DLGAP2: variants seen among roughly 807,000 people sequenced by gnomAD.
DLGAP2 encodes the protein disks large-associated protein 2.
Under a neutral mutation model 100.3 loss-of-function variants are expected in DLGAP2, and 26 were observed. The observed-to-expected ratio is 0.26, with a 90% CI of 0.19 to 0.36. DLGAP2 has a LOEUF of 0.36. Among genes scored for constraint, DLGAP2 ranks in the 10% least tolerant of loss-of-function variants. DLGAP2 has a pLI of 1.00. For missense variants in DLGAP2, 1,858 were observed against 1,453.2 expected (o/e 1.28, Z -4.53); for synonymous variants, 886 against 630.1 (o/e 1.41, Z -6.08).
intron 3 of DLGAP2, among the ~76,000 whole-genome samples, chr8:1,498,067 T>C (rs1799601898): frequency 6.6e-6 from 1 of 152,200 alleles, no homozygotes; most frequent in Admixed American, 6.5e-5. Flanking sequence ...GCAGGACAAC[T>C]GGAAGTGAGG....
chr8:1,281,302 A>T (rs535166548), intron 3 of DLGAP2, among the ~76,000 whole-genome samples: 3 of 151,822 alleles, frequency 2.0e-5, no homozygotes, highest in Non-Finnish European at 2.9e-5. Flanking sequence ...GAAACGGGGG[A>T]TGGTGGAGGT....
intron 2 of DLGAP2, among the ~76,000 whole-genome samples, chr8:1,142,768 G>A (rs1413173726): frequency 5.3e-5 from 8 of 152,094 alleles, no homozygotes; most frequent in Admixed American, 3.3e-4. Flanking sequence ...GAGGGTGAGG[G>A]GAGGGAGGTT....
chr8:1,140,234 C>T (rs191668245), intron 2 of DLGAP2, among the ~76,000 whole-genome samples: 59 of 152,246 alleles, frequency 3.9e-4, no homozygotes, highest in South Asian at 3.5e-3. Context: ...CCCGCTCTGC[C>T]GAGGGCATTC....
chr8:980,672 C>G (rs972661035), intron 2 of DLGAP2, among the ~76,000 whole-genome samples: 1 of 152,146 alleles, frequency 6.6e-6, no homozygotes, highest in African/African-American at 2.4e-5. Flanking sequence ...AGCAGCCGTG[C>G]TGAGGAAGGA....
chr8:1,033,623 A>G (rs1802034774), intron 2 of DLGAP2, among the ~76,000 whole-genome samples: 1 of 152,154 alleles, frequency 6.6e-6, no homozygotes, highest in Non-Finnish European at 1.5e-5. Context: ...AGCTGAGGTT[A>G]CACTCTGCAC....
Position 1,668,490 on chromosome 8 carries a change from C to T in DLGAP2, c.1972C>T (p.Arg658Cys), listed in dbSNP as rs777261867. The T allele has an allele frequency of 5.6e-6, 9 of 1,593,220 alleles. No individual in the cohort carries two copies. The highest frequency in any genetic ancestry group is 2.3e-5 in the East Asian group (1 of 43,452). Reference protein sequence around the residue: ...QRMSPWPQDSRGLYNSTDSLD... With the variant: ...QRMSPWPQDSCGLYNSTDSLD... ...GATGTCCCCGTGGCCCCAGGACAGCCGCGGCCTCTACAACTCCACGGACAG... is the reference window on the plus strand; with the variant it reads ...GATGTCCCCGTGGCCCCAGGACAGCTGCGGCCTCTACAACTCCACGGACAG... The change falls in exon 9 of 15, where the codon CGC (arginine) becomes TGC (cysteine). Residue 658 changes from arginine (R) to cysteine (C), a missense_variant. Physicochemically the swap from Arg to Cys is radical, Grantham distance 180. Coordinates refer to ENST00000637795, the MANE Select transcript of DLGAP2 (RefSeq NM_001346810.2).
chr8:1,476,101 G>A (rs1379424970), intron 3 of DLGAP2, among the ~76,000 whole-genome samples: 1 of 152,180 alleles, frequency 6.6e-6, no homozygotes, highest in South Asian at 2.1e-4. Context: ...AGTAACCAGT[G>A]TCTGAAGAAC....
chr8:1,300,066 T>C (rs904466536), intron 3 of DLGAP2: 78 of 152,012 alleles, frequency 5.1e-4, no homozygotes, highest in African/African-American at 1.8e-3. Context: ...AGTGTCCCCC[T>C]CTCATTACCT....
At chr8:1,566,699 C>A (rs558987022) in intron 6 of DLGAP2, among the ~76,000 whole-genome samples, 1 of 152,370 alleles carries the variant, frequency 6.6e-6, no homozygotes, top group African/African-American at 2.4e-5. Context: ...CCCTGGGCCA[C>A]AGGGCCCTCC....
intron 3 of DLGAP2, among the ~76,000 whole-genome samples, chr8:1,294,523 A>G (rs1445242589): frequency 3.3e-5 from 5 of 152,130 alleles, no homozygotes; most frequent in Non-Finnish European, 5.9e-5. Context: ...CTCTCCTGCG[A>G]TTTTGTGAGC....
At chr8:777,396 A>G (rs1323903125) in intron 1 of DLGAP2, among the ~76,000 whole-genome samples, 3 of 151,480 alleles carry the variant, frequency 2.0e-5, no homozygotes, top group Non-Finnish European at 4.4e-5. Flanking sequence ...TGTCATCATG[A>G]TGTTAGCTGT....
At chr8:917,127 G>A (rs752702846) in intron 2 of DLGAP2, among the ~76,000 whole-genome samples, 1 of 152,148 alleles carries the variant, frequency 6.6e-6, no homozygotes, top group Admixed American at 6.5e-5. Context: ...GTGAAGGGCC[G>A]GGGATAGTAA....
chr8:1,591,848 C>T (rs1342615309), intron 6 of DLGAP2, among the ~76,000 whole-genome samples: 8 of 152,184 alleles, frequency 5.3e-5, no homozygotes, highest in Non-Finnish European at 1.0e-4. Flanking sequence ...CTCGCTTGGC[C>T]TCTGCGTCAA....
chr8:801,968 T>TCCGCACCCCTCCTGGGCCCTCCGTCCTCA (rs1796163878), intron 1 of DLGAP2, among the ~76,000 whole-genome samples: 1 of 145,014 alleles, frequency 6.9e-6, no homozygotes, highest in Non-Finnish European at 1.6e-5. Context: ...TGGGGAACGG[T>TCCGCACCCCTCCTGGGCCCTCCGTCCTCA]CTGCACCCCT....
chr8:808,484 T>C (rs958092446), intron 1 of DLGAP2, among the ~76,000 whole-genome samples: 5 of 152,216 alleles, frequency 3.3e-5, no homozygotes, highest in Non-Finnish European at 5.9e-5. Flanking sequence ...AAAAGGGCGT[T>C]CTGGGAACAG....
intron 7 of DLGAP2, among the ~76,000 whole-genome samples, chr8:1,631,966 T>C (rs1009326862): frequency 6.6e-6 from 1 of 152,180 alleles, no homozygotes; most frequent in Non-Finnish European, 1.5e-5. Context: ...ATTTTTACAA[T>C]GTATCTGCCA....
At chr8:1,532,754 C>G (rs965322554) in intron 4 of DLGAP2, among the ~76,000 whole-genome samples, 1 of 152,140 alleles carries the variant, frequency 6.6e-6, no homozygotes, top group Non-Finnish European at 1.5e-5. Flanking sequence ...TGTGAAAATA[C>G]TCTTTCTCTG....
In DLGAP2 at chr8:1,273,210, C is replaced by G. The variant is rs535656463; in HGVS notation, c.106+14327C>G. 2.6e-5 allele frequency among the ~76,000 whole-genome samples: 4 copies of G among 152,322 alleles called. No homozygotes were observed. The East Asian group carries it at 7.7e-4, about 29-fold the overall frequency. ...GTTAGTCTACAGGGGGGCCCTCCCACCAGCCACAAACACACATGCACCCTA... is the reference window on the plus strand; with the variant it reads ...GTTAGTCTACAGGGGGGCCCTCCCAGCAGCCACAAACACACATGCACCCTA... On this transcript the variant is annotated intron_variant, in intron 3 of 14. Transcript: ENST00000637795.
rs536379674 is a variant in DLGAP2 at position 1,360,208 on chromosome 8, G to A, written c.106+101325G>A. The stretch of plus-strand genomic sequence containing the variant: ...CTTCCCGGGTGTGCTCAGGGGCGGG[G>A]CTTTTCCGGGGCGGGGCTTCTCCGG... On this transcript the variant is annotated intron_variant, in intron 3 of 14. Coordinates refer to ENST00000637795, the MANE Select transcript of DLGAP2 (RefSeq NM_001346810.2). Among the ~76,000 whole-genome samples the A allele has an allele frequency of 5.5e-3, 635 of 116,162 alleles. 5 individuals are homozygous for A. The highest frequency in any genetic ancestry group is 0.019 in the African/African-American group (605 of 31,090). 76.2% of individuals were successfully genotyped at this position (116,162 alleles called of 152,430 possible).
Sources: gnomAD v4.1 joint callset for allele counts (sites outside exome capture counted in the v4.1 genomes callset) on GRCh38, gnomAD v4.1.1 for gene constraint, MANE v1.5 for transcripts, NCBI Gene and HGNC (gene_info 2026-07-23, HGNC 2026-07-21) for gene names.